The following IL13RA1 variants were observed in gnomAD, a reference collection of about 807,000 sequenced individuals.
IL13RA1 encodes the protein interleukin 13 receptor subunit alpha 1.
In IL13RA1, 14 loss-of-function variants were observed where a neutral mutation model predicts 33.8. That is an observed-to-expected ratio of 0.41 (90% CI 0.27 to 0.65). The LOEUF (loss-of-function observed/expected upper bound fraction) is 0.65, where lower values mean the gene tolerates loss of function less well. IL13RA1 is among the 30% of genes least tolerant of loss of function. The probability of loss-of-function intolerance (pLI) is 0.28; values close to 1 mark genes in which losing one functional copy is unlikely to be tolerated. For synonymous variants in IL13RA1, 116 were observed against 115.7 expected (o/e 1.00, Z -0.02); for missense variants, 313 against 327.0 (o/e 0.96, Z 0.33).
chrX:118,746,759 A>G (rs1364984153), intron 2 of IL13RA1, among the ~76,000 whole-genome samples, 195 bp from the exon 3 acceptor site: 1 of 110,431 alleles, frequency 9.1e-6, no homozygotes, highest in African/African-American at 3.3e-5. Flanking sequence ...AGTTAGGACA[A>G]TAAAAAGTGT....
At chrX:118,775,395 G>C (rs2017770951) in intron 9 of IL13RA1, among the ~76,000 whole-genome samples, 1 of 111,129 alleles carries the variant, frequency 9.0e-6, no homozygotes, top group African/African-American at 3.3e-5. Context: ...GCATTGGAGA[G>C]TTTTGAGCAG....
rs190269628 is a variant in IL13RA1, at chrX:118,781,730, T to G, written c.1191+5219T>G. Among the ~76,000 whole-genome samples the G allele has an allele frequency of 1.3e-3, 142 of 112,588 alleles. 1 individual carries two copies. Among genetic ancestry groups the G allele is most frequent in the African/African-American group, 4.2e-3 (129 of 31,053 alleles). ...TTACTGTACTTTAAAAATTATTAATTCCTTAATTTCATCTAATACTCAGTC... is the reference window on the plus strand; with the variant it reads ...TTACTGTACTTTAAAAATTATTAATGCCTTAATTTCATCTAATACTCAGTC... On this transcript the variant is annotated intron_variant, in intron 10 of 10. Coordinates refer to ENST00000371666, the MANE Select transcript of IL13RA1 (RefSeq NM_001560.3).
intron 10 of IL13RA1, among the ~76,000 whole-genome samples, chrX:118,777,865 G>A (rs898133880): frequency 1.8e-5 from 2 of 111,793 alleles, no homozygotes; most frequent in Admixed American, 1.9e-4. Flanking sequence ...TATCTTAAAG[G>A]AATAATAACA....
intron 10 of IL13RA1, among the ~76,000 whole-genome samples, chrX:118,786,674 T>C (rs2017921535): frequency 2.7e-5 from 3 of 112,272 alleles, no homozygotes; most frequent in Non-Finnish European, 3.8e-5. Context: ...CTCCTGGCCC[T>C]TTCTGTCTAC....
chrX:118,752,425 G>A (rs1305256748), intron 4 of IL13RA1, among the ~76,000 whole-genome samples: 2 of 112,067 alleles, frequency 1.8e-5, no homozygotes, highest in African/African-American at 6.5e-5. Context: ...GCATCCTCTT[G>A]TAGCCTAGGC....
intron 1 of IL13RA1, among the ~76,000 whole-genome samples, chrX:118,739,420 A>G (rs997084699): frequency 8.9e-6 from 1 of 112,040 alleles, no homozygotes; most frequent in African/African-American, 3.2e-5. Context: ...ATTATGTAAC[A>G]GGCCCAGTGC....
intron 3 of IL13RA1, among the ~76,000 whole-genome samples, chrX:118,749,007 C>G (rs761586645): frequency 1.5e-4 from 17 of 111,710 alleles, no homozygotes; most frequent in Non-Finnish European, 2.6e-4. Context: ...CCTCCACCCC[C>G]CTGGTTTAAG....
chrX:118,799,574 A>T, the IL13RA1 span, among the ~76,000 whole-genome samples: 1 of 111,039 alleles, frequency 9.0e-6, no homozygotes, highest in African/African-American at 3.3e-5. Context: ...CTTTATGTCT[A>T]GCTCAGGGAT....
chrX:118,791,709 A>G, intron 10 of IL13RA1, 53 bp from the exon 11 acceptor site: 1 of 563,292 alleles, frequency 1.8e-6, no homozygotes. Context: ...TACTCAGGGA[A>G]AGAACACTGT....
At chrX:118,753,072 T>TCTA (rs1276533356) in intron 4 of IL13RA1, among the ~76,000 whole-genome samples, 13 of 111,853 alleles carry the variant, frequency 1.2e-4, no homozygotes, top group African/African-American at 4.2e-4. Flanking sequence ...AGAATCTATG[T>TCTA]CTATATAAGG....
intron 4 of IL13RA1, among the ~76,000 whole-genome samples, chrX:118,755,398 T>A (rs779101840): frequency 2.9e-4 from 32 of 110,560 alleles, no homozygotes; most frequent in African/African-American, 7.9e-4. Flanking sequence ...TTTTTTTTTT[T>A]ACCACATTAA....
In IL13RA1 at chrX:118,766,893, C is replaced by T; in HGVS notation, c.926C>T (p.Thr309Ile). The change falls in exon 8 of 11, where the codon ACA becomes ATA. Residue 309 changes from threonine (T) to isoleucine (I), a missense_variant. Transcript: ENST00000371666. ...VPGVLPDTLN[T>I]VRIRVKTNKL... ...GGTGTTCTTCCTGATACTTTGAACA[C>T]AGTCAGAATAAGAGTCAAAACAAAT... 9.3e-7 allele frequency: 1 copy of T among 1,073,243 alleles called. No homozygotes were observed. Among genetic ancestry groups the T allele is most frequent in the Non-Finnish European group, 1.3e-6 (1 of 772,888 alleles). 88.4% of individuals were successfully genotyped at this position (1,073,243 alleles called of 1,213,427 possible).
At chrX:118,773,997 G>T (rs766570079) in intron 9 of IL13RA1, 22 bp downstream of exon 9, 16 of 704,329 alleles carry the variant, frequency 2.3e-5, no homozygotes, top group East Asian at 1.6e-4. Flanking sequence ...GCCCAGGCAG[G>T]TTTTGCAGTT....
intron 2 of IL13RA1, among the ~76,000 whole-genome samples, chrX:118,745,358 GC>G (rs1249393677): frequency 2.2e-4 from 25 of 111,817 alleles, no homozygotes; most frequent in African/African-American, 8.1e-4. Context: ...AAAATTCAAT[GC>G]CCACATTCCT....
chrX:118,785,645 A>G (rs2017908320), intron 10 of IL13RA1, among the ~76,000 whole-genome samples: 2 of 110,883 alleles, frequency 1.8e-5, no homozygotes, highest in Non-Finnish European at 1.9e-5. Flanking sequence ...ATCTTGGCTC[A>G]CTGCAAACTC....
intron 7 of IL13RA1, 60 bp downstream of exon 7, chrX:118,766,637 T>A: frequency 1.5e-6 from 1 of 660,375 alleles, no homozygotes; most frequent in Non-Finnish European, 2.4e-6. Flanking sequence ...GGGTGGAGCA[T>A]AGCCTAAATA....
downstream of IL13RA1, among the ~76,000 whole-genome samples, chrX:118,798,551 T>C (rs2018044721): frequency 8.9e-6 from 1 of 111,865 alleles, no homozygotes. Context: ...TGATCCATCC[T>C]GAAATGGTTG....
chrX:118,733,139 T>C (rs545216258), intron 1 of IL13RA1, among the ~76,000 whole-genome samples: 1 of 112,346 alleles, frequency 8.9e-6, no homozygotes, highest in African/African-American at 3.2e-5. Flanking sequence ...GACCTTGTTT[T>C]CACTTCTTTT....
At chrX:118,743,513 G>A (rs748593397) in intron 2 of IL13RA1, among the ~76,000 whole-genome samples, 1 of 111,588 alleles carries the variant, frequency 9.0e-6, no homozygotes, top group Non-Finnish European at 1.9e-5. Flanking sequence ...AGTAGAAGGA[G>A]GATCTAGCAT....
Sources: gnomAD v4.1 joint callset for allele counts (sites outside exome capture counted in the v4.1 genomes callset) on GRCh38, gnomAD v4.1.1 for gene constraint, MANE v1.5 for transcripts, NCBI Gene and HGNC (gene_info 2026-07-23, HGNC 2026-07-21) for gene names.